SNTG1: variants seen among roughly 807,000 people sequenced by gnomAD.
SNTG1 encodes syntrophin gamma 1.
A neutral mutation model predicts 74.7 loss-of-function variants in SNTG1; 39 were observed. The ratio of observed to expected loss-of-function variants is 0.52; its 90% confidence interval spans 0.40 to 0.68. SNTG1 has a LOEUF of 0.68. SNTG1 is among the 30% of genes least tolerant of loss of function. SNTG1 has a pLI of 0.00. For missense variants in SNTG1, 685 were observed against 609.5 expected (o/e 1.12, Z -1.30); for synonymous variants, 254 against 217.1 (o/e 1.17, Z -1.49).
intron 9 of SNTG1, among the ~76,000 whole-genome samples, chr8:50,528,348 G>T (rs908355409): frequency 6.6e-6 from 1 of 151,746 alleles, no homozygotes; most frequent in East Asian, 1.9e-4. Flanking sequence ...TTTGCTTTTT[G>T]TAAAAAACAA....
At chr8:50,148,427 C>T (rs1366945498) in intron 1 of SNTG1, among the ~76,000 whole-genome samples, 1 of 152,052 alleles carries the variant, frequency 6.6e-6, no homozygotes, top group African/African-American at 2.4e-5. Flanking sequence ...TTTTTTATTA[C>T]TTTAACTTCT....
At chr8:50,686,559 A>C (rs1225160016) in intron 15 of SNTG1, among the ~76,000 whole-genome samples, 1 of 152,112 alleles carries the variant, frequency 6.6e-6, no homozygotes, top group Non-Finnish European at 1.5e-5. Flanking sequence ...TAAAGAATTA[A>C]TTTGTATATA....
In SNTG1 at chr8:50,083,684, T is replaced by C. The variant is rs1224628327; in HGVS notation, c.-102-88877T>C. On this transcript the variant is annotated intron_variant, in intron 1 of 18. Transcript: ENST00000642720. ...GCAACTACTTCAAGCATTCATTTTT[T>C]TGGAATGTTAATATCCCTTGTGGTG... Among the ~76,000 whole-genome samples the C allele has an allele frequency of 3.3e-5, 5 of 152,354 alleles. No homozygotes were observed. The East Asian group carries it at 9.6e-4, about 29-fold the overall frequency.
chr8:50,130,222 A>G (rs1364805122), intron 1 of SNTG1, among the ~76,000 whole-genome samples: 1 of 152,142 alleles, frequency 6.6e-6, no homozygotes, highest in Admixed American at 6.6e-5. Flanking sequence ...GAAAAGACAG[A>G]AATTGAAACC....
At chr8:49,970,167 T>C (rs1257842056) in intron 1 of SNTG1, among the ~76,000 whole-genome samples, 1 of 152,086 alleles carries the variant, frequency 6.6e-6, no homozygotes, top group Non-Finnish European at 1.5e-5. Context: ...CAGTAATATC[T>C]CTGTATCTCA....
At chr8:49,938,691 CT>C (rs1808406504) in intron 1 of SNTG1, among the ~76,000 whole-genome samples, 1 of 142,034 alleles carries the variant, frequency 7.0e-6, no homozygotes, top group Non-Finnish European at 1.5e-5. Context: ...CTCCTTCTTT[CT>C]TTTTCTTCCT....
At chr8:49,997,793 A>C (rs377739869) in intron 1 of SNTG1, among the ~76,000 whole-genome samples, 20 of 152,176 alleles carry the variant, frequency 1.3e-4, no homozygotes, top group South Asian at 6.2e-4. Context: ...GTAGTGTCTC[A>C]GTCATTAGAA....
chr8:50,245,725 G>A (rs1320994491), intron 2 of SNTG1, among the ~76,000 whole-genome samples: 2 of 151,986 alleles, frequency 1.3e-5, no homozygotes, highest in South Asian at 2.1e-4. Context: ...AAAAAAGGAT[G>A]TAAAATAGAT....
chr8:50,137,619 G>C (rs868253808), intron 1 of SNTG1, among the ~76,000 whole-genome samples: 12 of 152,306 alleles, frequency 7.9e-5, no homozygotes, highest in African/African-American at 2.4e-4. Context: ...CAGAATGACA[G>C]TGTGCTATTT....
chr8:49,953,149 A>G (rs952013692), intron 1 of SNTG1, among the ~76,000 whole-genome samples: 2 of 152,226 alleles, frequency 1.3e-5, no homozygotes, highest in Non-Finnish European at 2.9e-5. Flanking sequence ...AAAGTCCAGG[A>G]ATGACTTTGA....
At chr8:50,003,836 G>T (rs1814968106) in intron 1 of SNTG1, among the ~76,000 whole-genome samples, 1 of 152,160 alleles carries the variant, frequency 6.6e-6, no homozygotes, top group Non-Finnish European at 1.5e-5. Context: ...TGATCAGTTA[G>T]AATTAAGTAA....
chr8:50,338,437 A>G (rs1038390237), intron 2 of SNTG1, among the ~76,000 whole-genome samples: 16 of 152,218 alleles, frequency 1.1e-4, no homozygotes, highest in Non-Finnish European at 1.6e-4. Flanking sequence ...AACTAGCAAC[A>G]GAACCAGAAT....
At chr8:50,235,599 C>G (rs572036757) in intron 2 of SNTG1, among the ~76,000 whole-genome samples, 22 of 152,186 alleles carry the variant, frequency 1.4e-4, no homozygotes, top group African/African-American at 4.6e-4. Context: ...AAATAAATAT[C>G]AAGGTCAACT....
At chr8:50,209,940 A>T (rs963517556) in intron 2 of SNTG1, among the ~76,000 whole-genome samples, 4 of 152,228 alleles carry the variant, frequency 2.6e-5, no homozygotes, top group Admixed American at 2.0e-4. Context: ...GAACTAAAGG[A>T]GGATGTACGA....
chr8:50,428,627 C>A (rs1285055365), intron 4 of SNTG1, among the ~76,000 whole-genome samples: 1 of 152,126 alleles, frequency 6.6e-6, no homozygotes, highest in Non-Finnish European at 1.5e-5. Context: ...GAATGTTAAT[C>A]TCCTTTTTCA....
chr8:50,767,331 A>C (rs1355326771), intron 18 of SNTG1, among the ~76,000 whole-genome samples: 1 of 151,970 alleles, frequency 6.6e-6, no homozygotes, highest in African/African-American at 2.4e-5. Flanking sequence ...CGTCAGAAAT[A>C]CTGAAGAAAA....
Position 49,929,803 on chromosome 8 carries a change from T to A in SNTG1, c.-103+17572T>A, listed in dbSNP as rs1012431943. Among the ~76,000 whole-genome samples, 5 of 151,634 alleles carry A rather than the reference T, an allele frequency of 3.3e-5. No homozygotes were observed. In the South Asian group the frequency reaches 8.4e-4, roughly 25 times the overall value. ...CATATGTATACATGTGCCATGCTGG[T>A]GCGCTGCACCCACTAACTCGTCATC... On this transcript the variant is annotated intron_variant, in intron 1 of 18. Coordinates refer to ENST00000642720, the MANE Select transcript of SNTG1 (RefSeq NM_018967.5).
At chr8:50,084,089 A>G (rs747314248) in intron 1 of SNTG1, among the ~76,000 whole-genome samples, 10 of 152,192 alleles carry the variant, frequency 6.6e-5, no homozygotes, top group Non-Finnish European at 1.3e-4. Flanking sequence ...GCCATCTCTA[A>G]AAGACACCTC....
At chr8:50,183,422 C>G (rs1230506393) in intron 2 of SNTG1, among the ~76,000 whole-genome samples, 2 of 152,084 alleles carry the variant, frequency 1.3e-5, no homozygotes, top group Non-Finnish European at 2.9e-5. Flanking sequence ...CGTTTTATAA[C>G]TCTATATCCC....
Sources: allele counts gnomAD v4.1 joint callset (sites outside exome capture counted in the v4.1 genomes callset), GRCh38; gene constraint gnomAD v4.1.1; transcripts MANE v1.5; gene names NCBI Gene and HGNC (gene_info 2026-07-23, HGNC 2026-07-21).